Variants in PIAS2 observed in about 807,000 individuals in gnomAD.
PIAS2 encodes E3 SUMO-protein ligase PIAS2.
Under a neutral mutation model 69.7 loss-of-function variants are expected in PIAS2, and 19 were observed. The ratio of observed to expected loss-of-function variants is 0.27; its 90% CI spans 0.19 to 0.40. The LOEUF (loss-of-function observed/expected upper bound fraction) is 0.40. Ranked by LOEUF, PIAS2 falls within the 10% of genes least tolerant of loss-of-function variation. The pLI is 1.00. For missense variants in PIAS2, 624 were observed against 757.0 expected (o/e 0.82, Z 2.06); for synonymous variants, 261 against 263.2 (o/e 0.99, Z 0.08).
chr18:46,900,225 G>A (rs1353736295), intron 1 of PIAS2, among the ~76,000 whole-genome samples: 1 of 151,992 alleles, frequency 6.6e-6, no homozygotes, highest in African/African-American at 2.4e-5. Flanking sequence ...TTAGCTGGGT[G>A]TGGTGTGGGA....
At chr18:46,888,480 C>G (rs556525529) in intron 2 of PIAS2, among the ~76,000 whole-genome samples, 1 of 152,236 alleles carries the variant, frequency 6.6e-6, no homozygotes, top group Admixed American at 6.5e-5. Context: ...TTCACTCTTC[C>G]TGATTCCAAG....
chr18:46,826,301 T>C (rs1385326099), intron 11 of PIAS2, among the ~76,000 whole-genome samples: 1 of 152,226 alleles, frequency 6.6e-6, no homozygotes, highest in African/African-American at 2.4e-5. Context: ...TCGCCCACTG[T>C]GTATGTGCCA....
chr18:46,820,761 TA>T (rs1251363671), intron 12 of PIAS2, among the ~76,000 whole-genome samples, 171 bp downstream of exon 12: 1 of 152,162 alleles, frequency 6.6e-6, no homozygotes, highest in Non-Finnish European at 1.5e-5. Flanking sequence ...GCTCTGTAGT[TA>T]AAATAACAAC....
rs533879788 is a variant in PIAS2 at position 46,823,951 on chromosome 18, T to A, written c.1509-2879A>T. On this transcript the variant is annotated intron_variant, in intron 11 of 13. Transcript: ENST00000585916. Reference sequence around the variant, plus strand: ...ATGAAAAAATGTAAATGGCTATGGATGGTGAAATGATGGATGTAAAAATGT... The same window carrying A: ...ATGAAAAAATGTAAATGGCTATGGAAGGTGAAATGATGGATGTAAAAATGT... Among the ~76,000 whole-genome samples the A allele has an allele frequency of 5.3e-5, 8 of 152,306 alleles. No homozygotes were observed. In the South Asian group the frequency reaches 1.4e-3, roughly 28 times the overall value.
intron 2 of PIAS2, among the ~76,000 whole-genome samples, chr18:46,876,716 A>AGAT (rs2051264503): frequency 7.7e-6 from 1 of 130,164 alleles, no homozygotes; most frequent in South Asian, 2.4e-4. Flanking sequence ...TTTTTTTTTG[A>AGAT]GATGGAGTCT....
intron 2 of PIAS2, among the ~76,000 whole-genome samples, chr18:46,876,574 G>T (rs2051225659): frequency 6.6e-6 from 1 of 152,118 alleles, no homozygotes; most frequent in African/African-American, 2.4e-5. Context: ...GGAACTCAAT[G>T]TTGTACTTTT....
intron 9 of PIAS2, among the ~76,000 whole-genome samples, chr18:46,830,131 A>G (rs2043387307): frequency 1.3e-5 from 2 of 152,318 alleles, no homozygotes; most frequent in African/African-American, 4.8e-5. Context: ...AGAGAGAAGT[A>G]GATACCTGGA....
At chr18:46,876,729 C>T (rs1343633238) in intron 2 of PIAS2, among the ~76,000 whole-genome samples, 1 of 148,626 alleles carries the variant, frequency 6.7e-6, no homozygotes, top group Non-Finnish European at 1.5e-5. Context: ...TGGAGTCTTG[C>T]TCTGTCACCC....
chr18:46,806,274 G>A lies in PIAS2; in HGVS notation c.*6159C>T, dbSNP rs920937839. 1 of 150,468 alleles carries A rather than the reference G, an allele frequency of 6.6e-6. No individual in the cohort carries two copies. The highest frequency in any genetic ancestry group is 2.4e-5 in the African/African-American group (1 of 41,046). The allele number at this position is 150,468 out of a possible 1,614,324, so 9.3% of individuals were successfully genotyped here. ...CTAAACCTGTTTCATTTGTAAAATG[G>A]GGAATAACACCACTTTCCTCTGAGA... On this transcript the variant is annotated 3_prime_UTR_variant, in exon 14 of 14. Transcript: ENST00000585916.
rs1053319530 is a variant in PIAS2 at position 46,804,650 on chromosome 18, T to C, written c.*7783A>G. 6.6e-6 allele frequency: 1 copy of C among 152,222 alleles called. No individual in the cohort carries two copies. Among genetic ancestry groups the C allele is most frequent in the African/African-American group, 2.4e-5 (1 of 41,450 alleles). 9.4% of individuals were successfully genotyped at this position (152,222 alleles called of 1,614,324 possible). On this transcript the variant is annotated 3_prime_UTR_variant, in exon 14 of 14. Coordinates refer to ENST00000585916, the MANE Select transcript of PIAS2 (RefSeq NM_004671.5). ...ACAAGCTTTTCATCAATCCTCACATTTCTCCACATTACTTCTATTAAATCA... is the reference window on the plus strand; with the variant it reads ...ACAAGCTTTTCATCAATCCTCACATCTCTCCACATTACTTCTATTAAATCA...
chr18:46,868,982 C>A (rs1568619139), intron 2 of PIAS2, among the ~76,000 whole-genome samples: 1 of 152,220 alleles, frequency 6.6e-6, no homozygotes, highest in Non-Finnish European at 1.5e-5. Flanking sequence ...ACTCTGTACA[C>A]AAACCAAGGT....
At chr18:46,916,622 T>TAAAAC (rs2057944460) in intron 1 of PIAS2, among the ~76,000 whole-genome samples, 1 of 152,212 alleles carries the variant, frequency 6.6e-6, no homozygotes, top group Non-Finnish European at 1.5e-5. Context: ...GATCTTGTTT[T>TAAAAC]AAGACTGAGA....
intron 8 of PIAS2, among the ~76,000 whole-genome samples, chr18:46,839,863 CAAAAAAAA>C (rs58855520): frequency 1.4e-5 from 1 of 70,710 alleles, no homozygotes; most frequent in Admixed American, 1.6e-4. Flanking sequence ...AAAACTCTGT[CAAAAAAAA>C]AAAAAAAAAG....
At chr18:46,901,215 C>T (rs749494391) in intron 1 of PIAS2, 12 of 365,388 alleles carry the variant, frequency 3.3e-5, no homozygotes, top group Non-Finnish European at 4.8e-5. Context: ...GTCAGGAGTT[C>T]GAGGCCAGCC....
chr18:46,839,425 T>A (rs1179857012), intron 8 of PIAS2, among the ~76,000 whole-genome samples: 1 of 152,210 alleles, frequency 6.6e-6, no homozygotes, highest in African/African-American at 2.4e-5. Context: ...GAATTTAAAA[T>A]GATCATTTTT....
rs971110873 is a variant in PIAS2 at position 46,815,938 on chromosome 18, C to T, written c.1649-589G>A. 3 of 985,230 alleles carry T rather than the reference C, an allele frequency of 3.0e-6. No individual in the cohort carries two copies. The African/African-American group carries it at 5.2e-5, about 17-fold the overall frequency. The allele number at this position is 985,230 out of a possible 1,614,324, so 61.0% of individuals were successfully genotyped here. Reference sequence around the variant, plus strand: ...TCTGAGCTAATGTAATTTTCTGAACCAGAGAACTGTAATTGTCCAATTCGA... The same window carrying T: ...TCTGAGCTAATGTAATTTTCTGAACTAGAGAACTGTAATTGTCCAATTCGA... On this transcript the variant is annotated intron_variant, in intron 12 of 13. Transcript: ENST00000585916.
At chr18:46,817,892 TCAG>T in intron 12 of PIAS2, 3 of 977,450 alleles carry the variant, frequency 3.1e-6, no homozygotes, top group South Asian at 4.7e-5. Flanking sequence ...TCAAGTTTCA[TCAG>T]TAGTGATTAA....
intron 1 of PIAS2, among the ~76,000 whole-genome samples, chr18:46,893,052 G>C (rs2054306955): frequency 6.6e-6 from 1 of 151,974 alleles, no homozygotes; most frequent in Non-Finnish European, 1.5e-5. Flanking sequence ...TACTCTAATA[G>C]AACACATACC....
intron 12 of PIAS2, among the ~76,000 whole-genome samples, chr18:46,819,872 G>C (rs535634936): frequency 6.6e-6 from 1 of 152,170 alleles, no homozygotes; most frequent in East Asian, 1.9e-4. Context: ...ATATGGCCTT[G>C]GTTGCAGAAG....
Sources: gnomAD v4.1 joint callset for allele counts (sites outside exome capture counted in the v4.1 genomes callset) on GRCh38, gnomAD v4.1.1 for gene constraint, MANE v1.5 for transcripts, NCBI Gene and HGNC (gene_info 2026-07-23, HGNC 2026-07-21) for gene names.